The following ERCC5 variants were observed in gnomAD, a reference collection of about 807,000 sequenced individuals.
ERCC5 encodes the protein ERCC excision repair 5, endonuclease.
A neutral mutation model predicts 105.6 loss-of-function variants in ERCC5; 68 were observed. The observed-to-expected ratio is 0.64, with a 90% CI of 0.53 to 0.79. The LOEUF (loss-of-function observed/expected upper bound fraction) is 0.79. Ranked by LOEUF, ERCC5 falls within the 30% of genes least tolerant of loss-of-function variation. ERCC5 has a pLI of 0.00. For missense variants in ERCC5, 1,373 were observed against 1,426.7 expected (o/e 0.96, Z 0.61); for synonymous variants, 546 against 526.2 (o/e 1.04, Z -0.51).
At chr13:102,847,593 TTAAA>T (rs1201335060) in intron 1 of ERCC5, among the ~76,000 whole-genome samples, 2 of 152,240 alleles carry the variant, frequency 1.3e-5, no homozygotes, top group African/African-American at 4.8e-5. Context: ...TGAATAATCT[TTAAA>T]TAAATCTGTA....
Position 102,866,656 on chromosome 13 carries a change from C to T in ERCC5, c.2344C>T (p.Pro782Ser), listed in dbSNP as rs1265411683. The change falls in exon 11 of 15, where the codon CCC becomes TCC. Residue 782 changes from proline (P) to serine (S), a missense_variant. Around this residue, in one of 3 missense-constraint regions of ERCC5, gnomAD observed 1,004 missense variants for 1,059.7 expected, o/e 0.95. Transcript: ENST00000652225. Reference protein sequence around the residue: ...SQELLRLFGIPYIQAPMEAEA... With the variant: ...SQELLRLFGISYIQAPMEAEA... The stretch of plus-strand genomic sequence containing the variant: ...GGAACTCCTGCGCCTGTTCGGCATT[C>T]CCTACATCCAGGCTCCCATGGAAGC... 1 of 1,613,706 alleles carries T rather than the reference C, an allele frequency of 6.2e-7. No homozygotes were observed. The highest frequency in any genetic ancestry group is 1.3e-5 in the African/African-American group (1 of 74,946).
chr13:102,866,662 A>G lies in ERCC5; in HGVS notation c.2350A>G (p.Ile784Val), dbSNP rs771520933. The change falls in exon 11 of 15, where the codon ATC becomes GTC. Residue 784 changes from isoleucine (I) to valine (V), a missense_variant. Around this residue, in one of 3 missense-constraint regions of ERCC5, gnomAD observed 1,004 missense variants for 1,059.7 expected, o/e 0.95. Transcript: ENST00000652225. ...CCTGCGCCTGTTCGGCATTCCCTAC[A>G]TCCAGGCTCCCATGGAAGCAGAGGC... Reference protein sequence around the residue: ...ELLRLFGIPYIQAPMEAEAQC... With the variant: ...ELLRLFGIPYVQAPMEAEAQC... 1.2e-6 allele frequency: 2 copies of G among 1,613,920 alleles called. No individual in the cohort carries two copies. Among genetic ancestry groups the G allele is most frequent in the South Asian group, 2.2e-5 (2 of 91,076 alleles).
chr13:102,875,670 T>A lies in ERCC5; in HGVS notation c.3328T>A (p.Leu1110Ile). The A allele has an allele frequency of 6.2e-7, 1 of 1,614,184 alleles. No individual in the cohort carries two copies. Among genetic ancestry groups the A allele is most frequent in the East Asian group, 2.2e-5 (1 of 44,880 alleles). ...AAGTGAAGATGCTGAAAGTTCATCT[T>A]TAATGAATGTACAAAGGAGAACAGC... ...SSSEDAESSS[L>I]MNVQRRTAAK... The change falls in exon 15 of 15, where the codon TTA becomes ATA. Residue 1110 changes from leucine (L) to isoleucine (I), a missense_variant. Transcript: ENST00000652225.
chr13:102,868,887 C>G (rs1359202160), intron 12 of ERCC5, among the ~76,000 whole-genome samples: 1 of 152,168 alleles, frequency 6.6e-6, no homozygotes, highest in Non-Finnish European at 1.5e-5. Context: ...ATGAGTATGT[C>G]TGGGAAAGTA....
rs200139091 is a variant in ERCC5 at position 102,862,025 on chromosome 13, T to A, written c.881-5T>A. ...ATGGTGAGAAGTGTTTTAATTCTTC[T>A]TAAGGTATTCAAGCTAAGACAGTTG... On this transcript the variant is annotated splice_polypyrimidine_tract_variant and splice_region_variant and intron_variant, in intron 7 of 14. Transcript: ENST00000652225. 1.9e-6 allele frequency: 3 copies of A among 1,614,204 alleles called. No individual in the cohort carries two copies. The Admixed American group carries it at 5.0e-5, about 27-fold the overall frequency.
chr13:102,865,391 A>G lies in ERCC5; in HGVS notation c.1955-276A>G. 1 of 400,664 alleles carries G rather than the reference A, an allele frequency of 2.5e-6. No individual in the cohort carries two copies. Among genetic ancestry groups the G allele is most frequent in the Non-Finnish European group, 4.7e-6 (1 of 213,076 alleles). The allele number at this position is 400,664 out of a possible 1,614,324, so 24.8% of individuals were successfully genotyped here. A position where few individuals can be genotyped will look rare whatever the true frequency, so the allele number is the denominator to read the frequency against. ...AAAACAATGTCAGTTAACTTAGAACATATTTATATAAAGCGAATATACAAA... is the reference window on the plus strand; with the variant it reads ...AAAACAATGTCAGTTAACTTAGAACGTATTTATATAAAGCGAATATACAAA... On this transcript the variant is annotated intron_variant, in intron 8 of 14. Coordinates refer to ENST00000652225, the MANE Select transcript of ERCC5 (RefSeq NM_000123.4). This position sits in a 1 kb window ranked among gnomAD's most constrained non-coding sequence, Gnocchi z 4.0.
intron 5 of ERCC5, among the ~76,000 whole-genome samples, chr13:102,856,400 A>G (rs1457447509): frequency 1.3e-5 from 2 of 152,268 alleles, no homozygotes; most frequent in Non-Finnish European, 2.9e-5. Flanking sequence ...GTGCTTACAT[A>G]GAAAATATAG....
Position 102,862,988 on chromosome 13 carries a change from T to C in ERCC5, c.1839T>C (p.Asn613=). ...VVSFNAKEHE[N]FLETIQEQQT... is the part of the protein sequence containing the mutation. ...CATTTAATGCTAAAGAGCATGAGAA[T>C]TTTCTGGAAACCATCCAAGAACAGC... is the stretch of plus-strand genomic sequence containing the variant. Residue 613 remains asparagine, a synonymous_variant, in exon 8 of 15, where the codon AAT becomes AAC. Transcript: ENST00000652225. 1 of 1,614,194 alleles carries C rather than the reference T, an allele frequency of 6.2e-7. No individual in the cohort carries two copies. Among genetic ancestry groups the C allele is most frequent in the Non-Finnish European group, 8.5e-7 (1 of 1,180,026 alleles).
At chr13:102,864,939 A>C (rs576719485) in intron 8 of ERCC5, 1 of 152,654 alleles carries the variant, frequency 6.6e-6, no homozygotes, top group East Asian at 1.9e-4. Context: ...AGTTTCCCTA[A>C]CAATGAGAAA....
rs113395035 is a variant in ERCC5 at position 102,849,884 on chromosome 13, A to G, written c.89-2234A>G. ...GTGGCCCCTTCAATGTTCTTTTCCT[A>G]TGTTAGAAATTTACCTGCAAATATT... On this transcript the variant is annotated intron_variant, in intron 1 of 14. Transcript: ENST00000652225. Among the ~76,000 whole-genome samples the G allele has an allele frequency of 2.2e-3, 341 of 152,108 alleles. 1 individual carries two copies. The highest frequency in any genetic ancestry group is 7.8e-3 in the African/African-American group (322 of 41,520).
intron 1 of ERCC5, among the ~76,000 whole-genome samples, chr13:102,850,492 T>G (rs1310577574): frequency 6.6e-6 from 1 of 152,080 alleles, no homozygotes; most frequent in Non-Finnish European, 1.5e-5. Flanking sequence ...AAGTTTTAGA[T>G]AGTATCTTGA....
Position 102,858,397 on chromosome 13 carries a change from A to G in ERCC5, c.651A>G (p.Thr217=). The G allele has an allele frequency of 6.2e-7, 1 of 1,614,176 alleles. No individual in the cohort carries two copies. The highest frequency in any genetic ancestry group is 1.1e-5 in the South Asian group (1 of 91,088). Residue 217 remains threonine (T), a synonymous_variant, in exon 6 of 15, where the codon ACA becomes ACG. Coordinates refer to ENST00000652225, the MANE Select transcript of ERCC5 (RefSeq NM_000123.4). ...DMKEFTKRRR[T]LFEAMPEESD... ...AAGAGTTCACCAAGCGCAGAAGAACATTATTTGAAGCAATGCCAGAGGTGA... is the reference window on the plus strand; with the variant it reads ...AAGAGTTCACCAAGCGCAGAAGAACGTTATTTGAAGCAATGCCAGAGGTGA...
intron 1 of ERCC5, among the ~76,000 whole-genome samples, chr13:102,851,482 A>G (rs1248195730): frequency 2.6e-5 from 4 of 152,028 alleles, no homozygotes; most frequent in Admixed American, 2.0e-4. Context: ...TTTAGTAGAG[A>G]TGGGGTTTCA....
At chr13:102,858,515 A>C in intron 6 of ERCC5, 97 bp downstream of exon 6, 1 of 1,532,412 alleles carries the variant, frequency 6.5e-7, no homozygotes. Flanking sequence ...TACTTACACG[A>C]TATCTCAGTT....
At chr13:102,866,589 G>T (rs776505038) in intron 10 of ERCC5, 43 bp from the exon 11 acceptor site, 2 of 1,609,994 alleles carry the variant, frequency 1.2e-6, no homozygotes, top group Non-Finnish European at 1.7e-6. Flanking sequence ...AGGGCCTGGC[G>T]GTGCCCTTCC....
Position 102,875,743 on chromosome 13 carries a change from A to T in ERCC5, c.3401A>T (p.Lys1134Met). The T allele has an allele frequency of 6.2e-7, 1 of 1,614,204 alleles. No homozygotes were observed. The highest frequency in any genetic ancestry group is 8.5e-7 in the Non-Finnish European group (1 of 1,180,036). The change falls in exon 15 of 15, where the codon AAG becomes ATG. Residue 1134 changes from lysine to methionine, a missense_variant. Around this residue, in one of 3 missense-constraint regions of ERCC5, gnomAD observed 367 missense variants for 350.2 expected, o/e 1.05. Transcript: ENST00000652225. ...TSASDSQNSVKEAPVKNGGAT... is the reference protein window; with the variant it reads ...TSASDSQNSVMEAPVKNGGAT... ...GCTTCAGATTCGCAGAACTCAGTGA[A>T]GGAAGCTCCCGTGAAGAATGGAGGT...
intron 1 of ERCC5, among the ~76,000 whole-genome samples, chr13:102,851,549 T>C (rs1054708841): frequency 2.0e-5 from 3 of 152,182 alleles, no homozygotes; most frequent in African/African-American, 7.2e-5. Flanking sequence ...TGCCTCGGCC[T>C]CCCAAAGTGC....
At position 102,865,519 on chromosome 13, in the gene ERCC5, A is replaced by G; in HGVS notation, c.1955-148A>G. Reference sequence around the variant, plus strand: ...TTGTGATTACATTTATTTATTAATAACGCTACTATTACATGTATTCTGTTA... The same window carrying G: ...TTGTGATTACATTTATTTATTAATAGCGCTACTATTACATGTATTCTGTTA... On this transcript the variant is annotated intron_variant, in intron 8 of 14. Coordinates refer to ENST00000652225, the MANE Select transcript of ERCC5 (RefSeq NM_000123.4). The surrounding 1 kb of genome is among the most constrained non-coding windows in gnomAD (Gnocchi z 4.0). The G allele has an allele frequency of 9.2e-7, 1 of 1,090,152 alleles. No individual in the cohort carries two copies. Among genetic ancestry groups the G allele is most frequent in the Non-Finnish European group, 1.3e-6 (1 of 761,770 alleles). 67.5% of individuals were successfully genotyped at this position (1,090,152 alleles called of 1,614,324 possible).
chr13:102,854,550 T>A (rs1038174861), intron 4 of ERCC5, among the ~76,000 whole-genome samples, 176 bp downstream of exon 4: 7 of 152,226 alleles, frequency 4.6e-5, no homozygotes, highest in African/African-American at 1.4e-4. Flanking sequence ...TATTTACTAT[T>A]CTTTGTGTTT....
Sources: allele counts gnomAD v4.1 joint callset (sites outside exome capture counted in the v4.1 genomes callset), GRCh38; gene constraint gnomAD v4.1.1; regional missense constraint gnomAD v4.1.1; non-coding constraint Gnocchi (gnomAD v3.1); transcripts MANE v1.5; gene names NCBI Gene and HGNC (gene_info 2026-07-23, HGNC 2026-07-21).